Variants in CMSS1 observed in about 807,000 individuals in gnomAD.
CMSS1 encodes cms1 ribosomal small subunit homolog.
Under a neutral mutation model 43.5 loss-of-function variants are expected in CMSS1, and 33 were observed. The observed-to-expected ratio is 0.76, with a 90% confidence interval of 0.57 to 1.01. CMSS1 has a LOEUF of 1.01. Ranked by LOEUF, CMSS1 falls within the 50% of genes least tolerant of loss-of-function variation. The probability of loss-of-function intolerance (pLI) is 0.00; values close to 1 mark genes in which losing one functional copy is unlikely to be tolerated. For synonymous variants in CMSS1, 115 were observed against 117.2 expected, an observed-to-expected ratio of 0.98 and a Z score of 0.12; for missense variants, 313 against 326.4, an observed-to-expected ratio of 0.96 and a Z score of 0.32.
At chr3:100,139,532 T>A (rs1433289916) in intron 1 of CMSS1, among the ~76,000 whole-genome samples, 2 of 36,484 alleles carry the variant, frequency 5.5e-5, no homozygotes, top group Non-Finnish European at 7.2e-5. Flanking sequence ...AAAAAAAATG[T>A]GTGTGTGTGT....
At chr3:100,158,176 C>T (rs1300855060) in intron 2 of CMSS1, among the ~76,000 whole-genome samples, 1 of 152,094 alleles carries the variant, frequency 6.6e-6, no homozygotes, top group African/African-American at 2.4e-5. Context: ...ATTTTGAGGT[C>T]CATTTGCCAT....
intron 1 of CMSS1, among the ~76,000 whole-genome samples, chr3:100,073,843 C>T (rs1194884659): frequency 6.6e-6 from 1 of 152,172 alleles, no homozygotes; most frequent in Non-Finnish European, 1.5e-5. Flanking sequence ...TCTTTTTAAG[C>T]TTATGTCCCT....
Position 100,179,865 on chromosome 3 carries a change from T to C in CMSS1, c.*1477T>C, listed in dbSNP as rs2067174265. On this transcript the variant is annotated 3_prime_UTR_variant, in exon 10 of 10. Coordinates refer to ENST00000421999, the MANE Select transcript of CMSS1 (RefSeq NM_032359.4). Reference sequence around the variant, plus strand: ...CCTAGTAGAGGCTCTCCATGAGGGCTTCACCCCTGTAGCAGACTTCTGCCT... The same window carrying C: ...CCTAGTAGAGGCTCTCCATGAGGGCCTCACCCCTGTAGCAGACTTCTGCCT... 1 of 152,248 alleles carries C rather than the reference T, an allele frequency of 6.6e-6. No homozygotes were observed. The highest frequency in any genetic ancestry group is 1.5e-5 in the Non-Finnish European group (1 of 68,062). 9.4% of individuals were successfully genotyped at this position (152,248 alleles called of 1,614,324 possible).
At chr3:100,014,891 C>CTTTTTTTTTTTTTTTTTTT (rs1710284139) in intron 1 of CMSS1, among the ~76,000 whole-genome samples, 5 of 27,226 alleles carry the variant, frequency 1.8e-4, no homozygotes, top group Admixed American at 4.7e-4. Context: ...TTTTTTCTTT[C>CTTTTTTTTTTTTTTTTTTT]TTTCTTTTTT....
intron 1 of CMSS1, among the ~76,000 whole-genome samples, chr3:100,037,015 G>T (rs1181578227): frequency 6.6e-6 from 1 of 152,126 alleles, no homozygotes; most frequent in Non-Finnish European, 1.5e-5. Flanking sequence ...AGCCATTTCA[G>T]ATTAAAAGAA....
intron 1 of CMSS1, among the ~76,000 whole-genome samples, chr3:100,144,227 G>GT (rs2066828658): frequency 6.6e-6 from 1 of 152,134 alleles, no homozygotes. Flanking sequence ...TTATCTCAGT[G>GT]TTTTTGAGTA....
chr3:99,945,802 C>A (rs1026833773), intron 1 of CMSS1, among the ~76,000 whole-genome samples: 2 of 152,122 alleles, frequency 1.3e-5, no homozygotes, highest in East Asian at 1.9e-4. Context: ...CAACTTTAAC[C>A]CCAATTTTTT....
At chr3:100,109,728 T>G (rs1007727098) in intron 1 of CMSS1, among the ~76,000 whole-genome samples, 5 of 152,148 alleles carry the variant, frequency 3.3e-5, no homozygotes, top group Non-Finnish European at 4.4e-5. Context: ...ATTGAAGGGG[T>G]TGTTTCCAGG....
chr3:100,101,098 A>AT (rs1559757700), intron 1 of CMSS1, among the ~76,000 whole-genome samples: 1 of 152,192 alleles, frequency 6.6e-6, no homozygotes, highest in Non-Finnish European at 1.5e-5. Context: ...TGGGTGGTAC[A>AT]TACTGGAATT....
chr3:100,013,666 A>T (rs1710232778), intron 1 of CMSS1, among the ~76,000 whole-genome samples: 1 of 152,148 alleles, frequency 6.6e-6, no homozygotes, highest in South Asian at 2.1e-4. Context: ...TAAACAGTGA[A>T]ATGATATTTT....
intron 7 of CMSS1, 48 bp downstream of exon 7, chr3:100,171,947 C>CT (rs113602861): frequency 1.4e-6 from 2 of 1,401,608 alleles, no homozygotes; most frequent in African/African-American, 1.4e-5. Context: ...CAGACCTCAG[C>CT]TTTTTTCCTT....
At chr3:99,853,621 A>G (rs1315745213) in intron 1 of CMSS1, among the ~76,000 whole-genome samples, 1 of 152,160 alleles carries the variant, frequency 6.6e-6, no homozygotes, top group African/African-American at 2.4e-5. Context: ...CATGTTGCGT[A>G]TTTTTCAGCA....
At chr3:99,818,286 T>A (rs1333232528) in intron 1 of CMSS1, among the ~76,000 whole-genome samples, 1 of 152,250 alleles carries the variant, frequency 6.6e-6, no homozygotes, top group Non-Finnish European at 1.5e-5. Flanking sequence ...CTTTCTCTTT[T>A]CCTTATTTCT....
chr3:99,901,137 G>T (rs1370736760), intron 1 of CMSS1, among the ~76,000 whole-genome samples: 1 of 152,180 alleles, frequency 6.6e-6, no homozygotes, highest in Non-Finnish European at 1.5e-5. Flanking sequence ...AATCAAGTAA[G>T]CTTTAGTATT....
At chr3:100,174,753 A>C (rs2067135752) in intron 8 of CMSS1, among the ~76,000 whole-genome samples, 1 of 152,212 alleles carries the variant, frequency 6.6e-6, no homozygotes, top group Admixed American at 6.5e-5. Flanking sequence ...GTTTTCAGAC[A>C]TTGAAAGATA....
intron 1 of CMSS1, among the ~76,000 whole-genome samples, chr3:99,928,060 G>A (rs6807615): frequency 0.011 from 1,714 of 152,314 alleles, 17 homozygotes; most frequent in African/African-American, 0.025. Context: ...AGAAGGGGCT[G>A]TTAACACTTC....
chr3:100,066,705 G>A (rs376465349), intron 1 of CMSS1, among the ~76,000 whole-genome samples: 2 of 108,036 alleles, frequency 1.9e-5, no homozygotes, highest in Non-Finnish European at 4.2e-5. Context: ...CTAATTTTTT[G>A]TATTTTTAGT....
chr3:100,159,740 G>GA (rs1341409698), intron 2 of CMSS1: 2 of 258,766 alleles, frequency 7.7e-6, no homozygotes, highest in Admixed American at 4.4e-5. Context: ...TTCTACATTA[G>GA]AAAAAAGCCC....
At chr3:99,909,947 C>T (rs1706741485) in intron 1 of CMSS1, among the ~76,000 whole-genome samples, 1 of 83,308 alleles carries the variant, frequency 1.2e-5, no homozygotes. Flanking sequence ...GTCATCTGAC[C>T]AAAATGAGTG....
Sources: gnomAD v4.1 joint callset for allele counts (sites outside exome capture counted in the v4.1 genomes callset) on GRCh38, gnomAD v4.1.1 for gene constraint, MANE v1.5 for transcripts, NCBI Gene and HGNC (gene_info 2026-07-23, HGNC 2026-07-21) for gene names.